LRRC9: variants seen among roughly 807,000 people sequenced by gnomAD.
The protein encoded by LRRC9 is leucine-rich repeat-containing protein 9.
LRRC9 carries 122 observed loss-of-function variants against 63.2 expected under a neutral mutation model. That is an observed-to-expected ratio of 1.93 (90% confidence interval 1.67 to 2.24). The LOEUF (loss-of-function observed/expected upper bound fraction) is 2.24, where lower values mean the gene tolerates loss of function less well. Among genes scored for constraint, LRRC9 ranks in the 30% most tolerant of loss-of-function variants. The probability of loss-of-function intolerance (pLI) is 0.00; values close to 1 mark genes in which losing one functional copy is unlikely to be tolerated. For synonymous variants in LRRC9, 366 were observed against 213.1 expected (o/e 1.72, Z -6.25); for missense variants, 1,071 against 627.7 (o/e 1.71, Z -7.55).
chr14:59,999,352 G>T, intron 19 of LRRC9, 126 bp downstream of exon 19: 1 of 480,724 alleles, frequency 2.1e-6, no homozygotes, highest in Non-Finnish European at 3.7e-6. Flanking sequence ...TTAATATAGA[G>T]CAATCATACC....
intron 30 of LRRC9, chr14:60,054,025 T>C (rs1435287120): frequency 2.4e-6 from 1 of 410,928 alleles, no homozygotes; most frequent in Non-Finnish European, 4.7e-6. Flanking sequence ...TTGATGTAAG[T>C]GAAAACCAGA....
chr14:59,957,094 AC>A (rs1324162107), intron 8 of LRRC9, among the ~76,000 whole-genome samples: 1 of 152,046 alleles, frequency 6.6e-6, no homozygotes, highest in Non-Finnish European at 1.5e-5. Flanking sequence ...GGAGAATCTC[AC>A]GATGTGTCTT....
rs34322011 is a variant in LRRC9, at chr14:59,962,780, G to GA, written c.1211+1748dup. Among the ~76,000 whole-genome samples the GA allele has an allele frequency of 0.2, 28,145 of 140,612 alleles. 2,891 individuals carry two copies. Among genetic ancestry groups the GA allele is most frequent in the East Asian group, 0.29 (1,472 of 5,002 alleles). The allele number at this position is 140,612 out of a possible 152,430, so 92.2% of individuals were successfully genotyped here. A position where few individuals can be genotyped will look rare whatever the true frequency, so the allele number is the denominator to read the frequency against. On this transcript the variant is annotated intron_variant, in intron 10 of 31. Coordinates refer to ENST00000445360, the Ensembl canonical transcript of LRRC9. This position sits in a 1 kb window ranked among gnomAD's most constrained non-coding sequence, Gnocchi z 5.1. Reference sequence around the variant, plus strand: ...AACTCTTTGCAACAAGTGGATTAGTGAAAAAAAAAAAAATGTAAAAGCAAA... The same window carrying GA: ...AACTCTTTGCAACAAGTGGATTAGTGAAAAAAAAAAAAAATGTAAAAGCAAA...
rs1894060245 is a variant in LRRC9, at chr14:60,053,580, C to T, written c.4131+375C>T. 6.6e-6 allele frequency among the ~76,000 whole-genome samples: 1 copy of T among 152,112 alleles called. No homozygotes were observed. The stretch of plus-strand genomic sequence containing the variant: ...TCATAAATAGAAACTAACAATAAAA[C>T]TATTTCCCTTTAGGCACACAGAAAG... On this transcript the variant is annotated intron_variant, in intron 30 of 31. Coordinates refer to ENST00000445360, the Ensembl canonical transcript of LRRC9. The surrounding 1 kb of genome is among the most constrained non-coding windows in gnomAD (Gnocchi z 4.8).
At chr14:60,037,919 A>G (rs1892591546) in intron 29 of LRRC9, among the ~76,000 whole-genome samples, 1 of 152,184 alleles carries the variant, frequency 6.6e-6, no homozygotes, top group African/African-American at 2.4e-5. Context: ...TAAGTCTTTA[A>G]TCTATCTTGA....
chr14:60,030,937 T>G (rs891249220), intron 28 of LRRC9, among the ~76,000 whole-genome samples: 1 of 152,236 alleles, frequency 6.6e-6, no homozygotes, highest in South Asian at 2.1e-4. Flanking sequence ...GCCATCATTA[T>G]CTTCTACAGA....
chr14:59,999,908 G>A (rs1235827917), intron 19 of LRRC9, among the ~76,000 whole-genome samples: 1 of 152,018 alleles, frequency 6.6e-6, no homozygotes, highest in African/African-American at 2.4e-5. Context: ...ACTAAAAATA[G>A]AACTACCATT....
intron 17 of LRRC9, among the ~76,000 whole-genome samples, chr14:59,994,035 T>C (rs1035496461): frequency 2.6e-5 from 4 of 152,194 alleles, no homozygotes; most frequent in African/African-American, 9.6e-5. Flanking sequence ...ACACTGCACT[T>C]ATTCCACAAT....
intron 1 of LRRC9, among the ~76,000 whole-genome samples, chr14:59,924,135 T>C (rs925761401): frequency 8.5e-5 from 13 of 152,308 alleles, no homozygotes; most frequent in Admixed American, 2.6e-4. Flanking sequence ...AGAACACCAT[T>C]TGGTGAATTT....
intron 6 of LRRC9, among the ~76,000 whole-genome samples, chr14:59,935,375 C>T (rs527943707): frequency 2.4e-3 from 365 of 151,800 alleles, no homozygotes; most frequent in African/African-American, 8.2e-3. Context: ...ACATGTTACT[C>T]TGTGCTAGAA....
chr14:60,018,779 GTTA>G (rs1188603568), intron 25 of LRRC9, among the ~76,000 whole-genome samples: 2 of 151,788 alleles, frequency 1.3e-5, no homozygotes, highest in African/African-American at 2.4e-5. Flanking sequence ...TATTGCCTCC[GTTA>G]TTATTTACTT....
chr14:59,928,242 G>T, intron 2 of LRRC9, 26 bp from the exon 3 acceptor site: 2 of 564,708 alleles, frequency 3.5e-6, no homozygotes, highest in South Asian at 5.1e-5. Context: ...AATAGGTAAT[G>T]ACCAAATTTC....
rs1890118007 is a variant in LRRC9, at chr14:59,936,118, T to C, written c.544-2272T>C. 6.6e-6 allele frequency among the ~76,000 whole-genome samples: 1 copy of C among 152,178 alleles called. No homozygotes were observed. The highest frequency in any genetic ancestry group is 1.5e-5 in the Non-Finnish European group (1 of 68,018). On this transcript the variant is annotated intron_variant, in intron 6 of 31. Coordinates refer to ENST00000445360, the Ensembl canonical transcript of LRRC9. This position sits in a 1 kb window ranked among gnomAD's most constrained non-coding sequence, Gnocchi z 4.2. ...TACCTAAATAGTGACCAGCACATAG[T>C]AAGGACTCAACAGATCCATTGTTTT... is the stretch of plus-strand genomic sequence containing the variant.
chr14:59,965,719 T>C (rs984655231), intron 10 of LRRC9, among the ~76,000 whole-genome samples: 1 of 150,814 alleles, frequency 6.6e-6, no homozygotes, highest in African/African-American at 2.4e-5. Context: ...CCGTCTGTAT[T>C]AAAAACACAA....
At chr14:59,945,595 A>G (rs1406022735) in intron 8 of LRRC9, among the ~76,000 whole-genome samples, 1 of 152,082 alleles carries the variant, frequency 6.6e-6, no homozygotes, top group African/African-American at 2.4e-5. Context: ...AAAATGTAGA[A>G]TTGATTTTTT....
At chr14:59,952,466 C>T (rs1883269064) in intron 8 of LRRC9, among the ~76,000 whole-genome samples, 1 of 152,176 alleles carries the variant, frequency 6.6e-6, no homozygotes. Context: ...TCTTCTGCGT[C>T]GCTCACGCTG....
Position 59,966,695 on chromosome 14 carries a change from C to T in LRRC9, c.1318C>T (p.Arg440Cys), listed in dbSNP as rs1476650602. 3 of 694,320 alleles carry T rather than the reference C, an allele frequency of 4.3e-6. No individual in the cohort carries two copies. The highest frequency in any genetic ancestry group is 5.3e-6 in the Non-Finnish European group (2 of 380,764). 43.0% of individuals were successfully genotyped at this position (694,320 alleles called of 1,614,324 possible). ...AAAACGCATCATTAAAGTTAACAAC[C>T]GTATTCTGAGACTAAAATTCGAAGA... is the stretch of plus-strand genomic sequence containing the variant. Residue 440 changes from arginine (R) to cysteine (C), a missense_variant, in exon 11 of 32, where the codon CGT becomes TGT. Physicochemically the swap from Arg to Cys is radical, Grantham distance 180 (BLOSUM62 -3). Transcript: ENST00000445360. The surrounding 1 kb of genome is among the most constrained non-coding windows in gnomAD (Gnocchi z 4.0).
chr14:59,928,052 T>A, intron 2 of LRRC9, 61 bp downstream of exon 2: 1 of 659,806 alleles, frequency 1.5e-6, no homozygotes, highest in Non-Finnish European at 2.7e-6. Flanking sequence ...GGAAAGTTTT[T>A]ATGCTCCTTT....
At chr14:59,991,976 G>A (rs1888186475) in intron 17 of LRRC9, among the ~76,000 whole-genome samples, 1 of 152,170 alleles carries the variant, frequency 6.6e-6, no homozygotes, top group African/African-American at 2.4e-5. Context: ...GGTTCTCCCA[G>A]CACGCAGCTG....
Sources: gnomAD v4.1 joint callset for allele counts (sites outside exome capture counted in the v4.1 genomes callset) on GRCh38, gnomAD v4.1.1 for gene constraint, Gnocchi (gnomAD v3.1) non-coding constraint, MANE v1.5 for transcripts, NCBI Gene and HGNC (gene_info 2026-07-23, HGNC 2026-07-21) for gene names.